POU6F2: variants seen among roughly 807,000 people sequenced by gnomAD.
The protein encoded by POU6F2 is POU domain, class 6, transcription factor 2.
A neutral mutation model predicts 71.3 loss-of-function variants in POU6F2; 31 were observed. The ratio of observed to expected loss-of-function variants is 0.43; its 90% CI spans 0.33 to 0.59. The LOEUF (loss-of-function observed/expected upper bound fraction) is 0.59. Among genes scored for constraint, POU6F2 ranks in the 20% least tolerant of loss-of-function variants. The probability of loss-of-function intolerance (pLI) is 0.04; values close to 1 mark genes in which losing one functional copy is unlikely to be tolerated. For missense variants in POU6F2, 783 were observed against 856.8 expected (o/e 0.91, Z 1.07); for synonymous variants, 347 against 355.7 (o/e 0.98, Z 0.27).
chr7:39,364,929 A>AT (rs1265374022), intron 5 of POU6F2, among the ~76,000 whole-genome samples: 6 of 151,584 alleles, frequency 4.0e-5, no homozygotes, highest in African/African-American at 7.3e-5. Context: ...GCCAACATCT[A>AT]TTTTTTTTCT....
At chr7:39,035,376 T>C (rs1454811986) in intron 1 of POU6F2, among the ~76,000 whole-genome samples, 1 of 152,162 alleles carries the variant, frequency 6.6e-6, no homozygotes, top group Non-Finnish European at 1.5e-5. Context: ...GTATGTCATT[T>C]AGGGAAACAT....
chr7:39,049,778 T>C (rs533130339), intron 1 of POU6F2, among the ~76,000 whole-genome samples: 31 of 152,166 alleles, frequency 2.0e-4, no homozygotes, highest in Non-Finnish European at 3.8e-4. Flanking sequence ...ACTGAGGTCC[T>C]TTATTTTTTG....
chr7:38,998,654 A>ATTT lies in POU6F2; in HGVS notation c.105+20608_105+20610dup, dbSNP rs35912432. Among the ~76,000 whole-genome samples, 202 of 143,524 alleles carry ATTT rather than the reference A, an allele frequency of 1.4e-3. 1 individual carries two copies. Among genetic ancestry groups the ATTT allele is most frequent in the Middle Eastern group, 7.0e-3 (2 of 284 alleles). The allele number at this position is 143,524 out of a possible 152,430, so 94.2% of individuals were successfully genotyped here. A position where few individuals can be genotyped will look rare whatever the true frequency, so the allele number is the denominator to read the frequency against. On this transcript the variant is annotated intron_variant, in intron 1 of 9. Coordinates refer to ENST00000518318, the MANE Select transcript of POU6F2 (RefSeq NM_001370959.1). ...TAAAGATATTCTTGGTGTTAATCAC[A>ATTT]TTTTTTTTTTTTTTGAGACAGTATC...
chr7:39,420,616 A>AT (rs764825427), intron 6 of POU6F2, among the ~76,000 whole-genome samples: 48 of 152,288 alleles, frequency 3.2e-4, no homozygotes, highest in African/African-American at 1.2e-3. Context: ...AAATGCTCCA[A>AT]TTTTTTTAGC....
intron 5 of POU6F2, among the ~76,000 whole-genome samples, chr7:39,372,042 C>A (rs774040344): frequency 3.9e-5 from 6 of 152,140 alleles, no homozygotes; most frequent in African/African-American, 1.4e-4. Context: ...CAGCCTCCCT[C>A]CCAAGTAGCT....
At chr7:39,341,933 C>T (rs189309039) in intron 5 of POU6F2, among the ~76,000 whole-genome samples, 2 of 152,194 alleles carry the variant, frequency 1.3e-5, no homozygotes, top group Admixed American at 6.5e-5. Flanking sequence ...AACAGTTTCT[C>T]GTGGAAATCC....
At chr7:39,197,925 T>A (rs76389991) in intron 2 of POU6F2, among the ~76,000 whole-genome samples, 1 of 152,288 alleles carries the variant, frequency 6.6e-6, no homozygotes, top group East Asian at 1.9e-4. Flanking sequence ...ACAAAATGAG[T>A]TAGAGACTTT....
intron 1 of POU6F2, among the ~76,000 whole-genome samples, chr7:39,047,837 T>A (rs891039879): frequency 7.9e-5 from 12 of 151,980 alleles, no homozygotes; most frequent in Non-Finnish European, 1.6e-4. Flanking sequence ...TTTTAGGTGT[T>A]AAATCAACTT....
intron 1 of POU6F2, among the ~76,000 whole-genome samples, chr7:39,029,215 A>G (rs1226580085): frequency 6.6e-6 from 1 of 152,166 alleles, no homozygotes; most frequent in Non-Finnish European, 1.5e-5. Flanking sequence ...ATTGATTTTT[A>G]TATATTGATC....
chr7:39,018,269 T>C (rs1417157144), intron 1 of POU6F2, among the ~76,000 whole-genome samples: 2 of 152,160 alleles, frequency 1.3e-5, no homozygotes, highest in East Asian at 3.9e-4. Context: ...TTTTCCTTTG[T>C]ATACAATCAT....
rs1005670651 is a variant in POU6F2, at chr7:39,465,590, G to A, written c.*904G>A. 7 of 152,162 alleles carry A rather than the reference G, an allele frequency of 4.6e-5. No homozygotes were observed. The highest frequency in any genetic ancestry group is 1.7e-4 in the African/African-American group (7 of 41,438). The allele number at this position is 152,162 out of a possible 1,614,324, so 9.4% of individuals were successfully genotyped here. On this transcript the variant is annotated 3_prime_UTR_variant, in exon 10 of 10. Transcript: ENST00000518318. Reference sequence around the variant, plus strand: ...CCATTTCTCCATCTCCCTCGCGCGTGGCTCCTGGGGTCTGCTGGAAGGCCA... The same window carrying A: ...CCATTTCTCCATCTCCCTCGCGCGTAGCTCCTGGGGTCTGCTGGAAGGCCA...
chr7:39,228,346 G>A (rs1365696599), intron 4 of POU6F2, among the ~76,000 whole-genome samples: 1 of 152,068 alleles, frequency 6.6e-6, no homozygotes, highest in East Asian at 1.9e-4. Flanking sequence ...GCCTATTGAC[G>A]CCATCCTTTT....
chr7:39,242,228 G>A (rs988416333), intron 4 of POU6F2, among the ~76,000 whole-genome samples: 2 of 152,040 alleles, frequency 1.3e-5, no homozygotes, highest in East Asian at 3.9e-4. Flanking sequence ...TAAATACTTA[G>A]GAGTGGAATT....
chr7:38,992,773 C>T (rs1028010538), intron 1 of POU6F2, among the ~76,000 whole-genome samples: 12 of 152,096 alleles, frequency 7.9e-5, no homozygotes, highest in African/African-American at 2.9e-4. Flanking sequence ...AAATATTACT[C>T]CGGGTGGAAA....
chr7:39,464,563 T>TA lies in POU6F2; in HGVS notation c.2041dup (p.Arg681LysfsTer7). ...AGCTGAACTATGACCGAGAAGTAGT[T>TA]AGAGTTTGGTTCTGCAATAAGAGGC... On this transcript the variant is annotated frameshift_variant, in exon 10 of 10. Coordinates refer to ENST00000518318, the MANE Select transcript of POU6F2 (RefSeq NM_001370959.1). LOFTEE classifies it high-confidence loss of function. The surrounding 1 kb of genome is among the most constrained non-coding windows in gnomAD (Gnocchi z 4.1). 1 of 1,612,902 alleles carries TA rather than the reference T, an allele frequency of 6.2e-7. No homozygotes were observed. The highest frequency in any genetic ancestry group is 8.5e-7 in the Non-Finnish European group (1 of 1,179,464).
At chr7:39,066,119 A>G (rs1370766676) in intron 1 of POU6F2, among the ~76,000 whole-genome samples, 1 of 151,766 alleles carries the variant, frequency 6.6e-6, no homozygotes, top group Non-Finnish European at 1.5e-5. Context: ...CTATTAGGAA[A>G]CTTATCTGCA....
At chr7:39,385,551 T>G (rs1583565336) in intron 5 of POU6F2, among the ~76,000 whole-genome samples, 1 of 152,324 alleles carries the variant, frequency 6.6e-6, no homozygotes, top group African/African-American at 2.4e-5. Context: ...ATAATCACCC[T>G]TGTGCGACCT....
At chr7:39,264,155 C>T (rs2128755158) in intron 4 of POU6F2, among the ~76,000 whole-genome samples, 1 of 152,282 alleles carries the variant, frequency 6.6e-6, no homozygotes, top group South Asian at 2.1e-4. Flanking sequence ...GCCCAGCTTC[C>T]CCACTTCTAC....
chr7:39,084,054 G>T (rs1791185006), intron 1 of POU6F2, among the ~76,000 whole-genome samples: 1 of 152,072 alleles, frequency 6.6e-6, no homozygotes, highest in Non-Finnish European at 1.5e-5. Flanking sequence ...CTCTGCTCTT[G>T]ATATGATAAA....
Sources: gnomAD v4.1 joint callset for allele counts (sites outside exome capture counted in the v4.1 genomes callset) on GRCh38, gnomAD v4.1.1 for gene constraint, Gnocchi (gnomAD v3.1) non-coding constraint, MANE v1.5 for transcripts, NCBI Gene and HGNC (gene_info 2026-07-23, HGNC 2026-07-21) for gene names.